The following STRN3 variants were observed in gnomAD, a reference collection of about 807,000 sequenced individuals.
The protein encoded by STRN3 is striatin 3, also known as striatin-3.
STRN3 carries 29 observed loss-of-function variants against 95.6 expected under a neutral mutation model. That is an observed-to-expected ratio of 0.30 (90% CI 0.23 to 0.41). The LOEUF (loss-of-function observed/expected upper bound fraction) is 0.41. Ranked by LOEUF, STRN3 falls within the 10% of genes least tolerant of loss-of-function variation. STRN3 has a pLI of 1.00. For missense variants in STRN3, 890 were observed against 972.1 expected, an observed-to-expected ratio of 0.92 and a Z score of 1.12; for synonymous variants, 331 against 357.6, an observed-to-expected ratio of 0.93 and a Z score of 0.84.
At chr14:31,025,735 G>C in intron 1 of STRN3, 169 bp downstream of exon 1, 1 of 899,612 alleles carries the variant, frequency 1.1e-6, no homozygotes, top group Non-Finnish European at 1.6e-6. Flanking sequence ...GAAAGAGGGA[G>C]GGGGACTCCA....
In STRN3 at chr14:30,999,921, T is replaced by C. The variant is rs2139286174; in HGVS notation, c.282+25983A>G. On this transcript the variant is annotated intron_variant, in intron 1 of 17. Coordinates refer to ENST00000357479, the MANE Select transcript of STRN3 (RefSeq NM_001083893.2). ...CTTGAAAACATCAAAGAGAAGCAAT[T>C]CATCACATACTAAGGATCCTCCCAA... is the stretch of plus-strand genomic sequence containing the variant. Among the ~76,000 whole-genome samples the C allele has an allele frequency of 5.3e-5, 8 of 152,232 alleles. 1 individual carries two copies. In the South Asian group the frequency reaches 1.7e-3, roughly 32 times the overall value.
At position 30,929,954 on chromosome 14, in the gene STRN3, C is replaced by CAAAAAAAAAAAAAAAAAAAAAAAAAAAAA. The variant is rs1191963792; in HGVS notation, c.989-644_989-643insTTTTTTTTTTTTTTTTTTTTTTTTTTTTT. On this transcript the variant is annotated intron_variant, in intron 7 of 17. Coordinates refer to ENST00000357479, the MANE Select transcript of STRN3 (RefSeq NM_001083893.2). ...TCCATTGGTCTACAACTAAGATTAG[C>CAAAAAAAAAAAAAAAAAAAAAAAAAAAAA]AAAAAAAAAAAAAAAAAAAAAAAAA... Among the ~76,000 whole-genome samples, 16 of 39,996 alleles carry CAAAAAAAAAAAAAAAAAAAAAAAAAAAAA rather than the reference C, an allele frequency of 4.0e-4. 2 individuals are homozygous for CAAAAAAAAAAAAAAAAAAAAAAAAAAAAA. The highest frequency in any genetic ancestry group is 1.1e-3 in the African/African-American group (9 of 8,062). The allele number at this position is 39,996 out of a possible 152,430, so 26.2% of individuals were successfully genotyped here.
Position 30,972,467 on chromosome 14 carries a change from G to A in STRN3, c.283-16225C>T, listed in dbSNP as rs897379195. ...TCACCATTGTTCCATCTGTAAGGGC[G>A]CACCCTTCTATACAGAAGTAACTTG... is the stretch of plus-strand genomic sequence containing the variant. On this transcript the variant is annotated intron_variant, in intron 1 of 17. Transcript: ENST00000357479. Among the ~76,000 whole-genome samples the A allele has an allele frequency of 3.9e-5, 6 of 152,100 alleles. No homozygotes were observed. In the East Asian group the frequency reaches 5.8e-4, roughly 15 times the overall value.
intron 1 of STRN3, 118 bp downstream of exon 1, chr14:31,025,786 A>T (rs1041768567): frequency 1.4e-6 from 2 of 1,382,540 alleles, no homozygotes; most frequent in African/African-American, 2.9e-5. Flanking sequence ...TGAGCAGCAC[A>T]GGTAGGTTCC....
chr14:30,935,104 TAATAACC>T lies in STRN3; in HGVS notation c.988+52_988+58del. ...CACACATTCCACATATAATATTTAA[TAATAACC>T]CATCATTAAGGGCTAGATTTCCTCC... On this transcript the variant is annotated intron_variant, in intron 7 of 17. Transcript: ENST00000357479. 5.0e-6 allele frequency: 8 copies of T among 1,590,088 alleles called. No individual in the cohort carries two copies. In the South Asian group the frequency reaches 8.0e-5, roughly 16 times the overall value.
At chr14:31,008,753 A>G (rs1882831784) in intron 1 of STRN3, among the ~76,000 whole-genome samples, 1 of 152,166 alleles carries the variant, frequency 6.6e-6, no homozygotes, top group South Asian at 2.1e-4. Flanking sequence ...AGAATTTTAG[A>G]AACAGCTGGG....
intron 1 of STRN3, among the ~76,000 whole-genome samples, chr14:31,012,728 C>A (rs179722): frequency 0.64 from 96,377 of 151,748 alleles, 31,610 homozygotes; most frequent in Non-Finnish European, 0.73. Flanking sequence ...CCCGTCTCTA[C>A]TAAAAATACA....
At chr14:31,017,905 G>T (rs1348862105) in intron 1 of STRN3, among the ~76,000 whole-genome samples, 1 of 151,868 alleles carries the variant, frequency 6.6e-6, no homozygotes, top group Admixed American at 6.6e-5. Flanking sequence ...GTGAAACCCC[G>T]TATCTACTAA....
At chr14:31,014,947 C>T (rs1190963901) in intron 1 of STRN3, among the ~76,000 whole-genome samples, 1 of 152,154 alleles carries the variant, frequency 6.6e-6, no homozygotes, top group Non-Finnish European at 1.5e-5. Flanking sequence ...CCTGCCTCAG[C>T]CTCCCAAGTA....
intron 1 of STRN3, among the ~76,000 whole-genome samples, chr14:31,002,989 C>T (rs1184764738): frequency 6.6e-6 from 1 of 152,098 alleles, no homozygotes; most frequent in East Asian, 1.9e-4. Context: ...TGAGGCCGGG[C>T]ACGGTGGCTC....
At chr14:30,911,694 GA>G in intron 12 of STRN3, 82 bp downstream of exon 12, 1 of 1,262,398 alleles carries the variant, frequency 7.9e-7, no homozygotes, top group South Asian at 1.5e-5. Context: ...AAAACATTGA[GA>G]AAATTACAAG....
Position 30,895,342 on chromosome 14 carries a change from T to A in STRN3, c.*69A>T. 1 of 1,462,798 alleles carries A rather than the reference T, an allele frequency of 6.8e-7. No homozygotes were observed. Among genetic ancestry groups the A allele is most frequent in the Non-Finnish European group, 9.1e-7 (1 of 1,094,626 alleles). 90.6% of individuals were successfully genotyped at this position (1,462,798 alleles called of 1,614,324 possible). A position where few individuals can be genotyped will look rare whatever the true frequency, so the allele number is the denominator to read the frequency against. Reference sequence around the variant, plus strand: ...CATGTAGTGTCATATCAGTAACCTTTCTGATGGCAGTGATGCAGACCCTCT... The same window carrying A: ...CATGTAGTGTCATATCAGTAACCTTACTGATGGCAGTGATGCAGACCCTCT... On this transcript the variant is annotated 3_prime_UTR_variant, in exon 18 of 18. Coordinates refer to ENST00000357479, the MANE Select transcript of STRN3 (RefSeq NM_001083893.2).
At chr14:30,924,220 A>G (rs1489853988) in intron 8 of STRN3, among the ~76,000 whole-genome samples, 11 of 45,306 alleles carry the variant, frequency 2.4e-4, no homozygotes, top group African/African-American at 9.8e-4. Context: ...CTCAAAAAAA[A>G]AAAAACAAAA....
intron 7 of STRN3, among the ~76,000 whole-genome samples, chr14:30,934,101 GGATCGCGATGTCAA>G (rs1555317810): frequency 6.6e-6 from 1 of 152,108 alleles, no homozygotes; most frequent in Non-Finnish European, 1.5e-5. Context: ...CAAGGCGGGC[GGATCGCGATGTCAA>G]GAGATCGAGA....
chr14:31,019,713 A>T (rs756423139), intron 1 of STRN3, among the ~76,000 whole-genome samples: 8 of 151,932 alleles, frequency 5.3e-5, no homozygotes, highest in Non-Finnish European at 1.2e-4. Flanking sequence ...AAATTTTCTT[A>T]CCTTTTTTGA....
At chr14:30,964,184 G>A (rs1880358130) in intron 1 of STRN3, among the ~76,000 whole-genome samples, 1 of 152,136 alleles carries the variant, frequency 6.6e-6, no homozygotes, top group African/African-American at 2.4e-5. Flanking sequence ...CCTGGGAGGT[G>A]GAGGTTGCAG....
rs574711164 is a variant in STRN3 at position 30,989,483 on chromosome 14, T to C, written c.283-33241A>G. Among the ~76,000 whole-genome samples the C allele has an allele frequency of 4.6e-5, 7 of 152,268 alleles. No individual in the cohort carries two copies. The South Asian group carries it at 1.5e-3, about 32-fold the overall frequency. ...TTTTATTTATTTATTTATTTTGAGA[T>C]GGAGTCTGGCTCTGTCGCCCAGGCT... On this transcript the variant is annotated intron_variant, in intron 1 of 17. Coordinates refer to ENST00000357479, the MANE Select transcript of STRN3 (RefSeq NM_001083893.2).
rs1883314176 is a variant in STRN3 at position 31,017,819 on chromosome 14, G to A, written c.282+8085C>T. 2.6e-5 allele frequency among the ~76,000 whole-genome samples: 4 copies of A among 152,070 alleles called. No individual in the cohort carries two copies. In the South Asian group the frequency reaches 8.3e-4, roughly 32 times the overall value. ...AGGCTGCGCACGGTGGCTCACACCT[G>A]AAATCCCAGCACTTTGGGAGGCCAA... On this transcript the variant is annotated intron_variant, in intron 1 of 17. Transcript: ENST00000357479.
intron 1 of STRN3, among the ~76,000 whole-genome samples, chr14:30,976,789 A>G (rs185438859): frequency 1.1e-3 from 165 of 152,360 alleles, no homozygotes; most frequent in Admixed American, 2.2e-3. Context: ...AAGTATCAGG[A>G]TAAGTTTTAA....
Sources: allele counts gnomAD v4.1 joint callset (sites outside exome capture counted in the v4.1 genomes callset), GRCh38; gene constraint gnomAD v4.1.1; transcripts MANE v1.5; gene names NCBI Gene and HGNC (gene_info 2026-07-23, HGNC 2026-07-21).